The following TUNAR variants were observed in gnomAD, a reference collection of about 807,000 sequenced individuals.
The protein encoded by TUNAR is transmembrane neural differentiation associated intracellular calcium regulator, also known as protein TUNAR.
intron 2 of TUNAR, among the ~76,000 whole-genome samples, chr14:95,914,770 T>C (rs1181695696): frequency 6.6e-6 from 1 of 152,230 alleles, no homozygotes; most frequent in African/African-American, 2.4e-5. Context: ...GCTACTGTTA[T>C]CCCTACTTTA....
chr14:95,920,484 G>A (rs918112369), intron 2 of TUNAR, among the ~76,000 whole-genome samples: 1 of 152,138 alleles, frequency 6.6e-6, no homozygotes, highest in African/African-American at 2.4e-5. Context: ...TGTGGGAGTA[G>A]GAACCCACTG....
At chr14:95,913,756 C>CA (rs1479266948) in intron 2 of TUNAR, among the ~76,000 whole-genome samples, 2 of 151,668 alleles carry the variant, frequency 1.3e-5, no homozygotes, top group African/African-American at 2.4e-5. Flanking sequence ...TTTTTTGAGA[C>CA]AGAGTCTCAC....
At chr14:95,911,509 G>C (rs896118752) in intron 2 of TUNAR, among the ~76,000 whole-genome samples, 2 of 152,196 alleles carry the variant, frequency 1.3e-5, no homozygotes, top group African/African-American at 2.4e-5. Context: ...TGACCACTGA[G>C]GTCTCTTCTT....
intron 2 of TUNAR, among the ~76,000 whole-genome samples, chr14:95,900,211 C>G (rs764819774): frequency 3.6e-4 from 55 of 152,238 alleles, no homozygotes; most frequent in Admixed American, 9.8e-4. Flanking sequence ...GATGTGGCGT[C>G]TGCCCTCAAG....
chr14:95,916,608 C>G (rs1414961499), intron 2 of TUNAR, among the ~76,000 whole-genome samples: 1 of 152,198 alleles, frequency 6.6e-6, no homozygotes, highest in Non-Finnish European at 1.5e-5. Context: ...TACCCTGCTG[C>G]TCATTTGCAG....
intron 2 of TUNAR, among the ~76,000 whole-genome samples, chr14:95,919,259 C>T (rs60036556): frequency 0.023 from 3,552 of 152,310 alleles, 153 homozygotes; most frequent in African/African-American, 0.079. Flanking sequence ...TAATGTCAAA[C>T]GTATGCGTAC....
At chr14:95,888,263 T>G (rs964908005) in intron 2 of TUNAR, among the ~76,000 whole-genome samples, 12 of 152,230 alleles carry the variant, frequency 7.9e-5, no homozygotes, top group African/African-American at 2.9e-4. Flanking sequence ...CCCTGTGCAA[T>G]AAGTCCTTTC....
intron 2 of TUNAR, among the ~76,000 whole-genome samples, chr14:95,892,520 C>T (rs1889198825): frequency 6.6e-6 from 1 of 152,244 alleles, no homozygotes; most frequent in Non-Finnish European, 1.5e-5. Flanking sequence ...ATCATTTTGA[C>T]CTCAGGGTGG....
chr14:95,892,633 C>T (rs1174172403), intron 2 of TUNAR, among the ~76,000 whole-genome samples: 1 of 152,218 alleles, frequency 6.6e-6, no homozygotes, highest in African/African-American at 2.4e-5. Context: ...GCAGGGATGC[C>T]TGGCCATCTC....
At chr14:95,906,270 A>T (rs746284136) in intron 2 of TUNAR, among the ~76,000 whole-genome samples, 36 of 152,272 alleles carry the variant, frequency 2.4e-4, no homozygotes, top group South Asian at 1.0e-3. Flanking sequence ...TGGGAATGAT[A>T]TGGACAGGCA....
At chr14:95,885,223 A>G (rs1221609638) in intron 2 of TUNAR, among the ~76,000 whole-genome samples, 9 of 152,170 alleles carry the variant, frequency 5.9e-5, no homozygotes, top group Non-Finnish European at 1.5e-5. Context: ...GTAAGGAGGG[A>G]AGCATTTTCA....
At chr14:95,909,123 T>C (rs1669857076) in intron 2 of TUNAR, among the ~76,000 whole-genome samples, 1 of 152,204 alleles carries the variant, frequency 6.6e-6, no homozygotes. Context: ...CAAAGGAAAT[T>C]TTGATTAATT....
chr14:95,910,254 C>T (rs561167858), intron 2 of TUNAR, among the ~76,000 whole-genome samples: 27 of 152,190 alleles, frequency 1.8e-4, no homozygotes, highest in African/African-American at 6.3e-4. Context: ...CGGTGGCTCA[C>T]GCCTGTAATC....
chr14:95,885,505 T>C (rs957799738), intron 2 of TUNAR, among the ~76,000 whole-genome samples: 2 of 152,050 alleles, frequency 1.3e-5, no homozygotes, highest in Non-Finnish European at 2.9e-5. Context: ...GAGAAGGAAT[T>C]TCCTGAGCAG....
intron 2 of TUNAR, among the ~76,000 whole-genome samples, chr14:95,915,416 A>G (rs1283995244): frequency 1.3e-5 from 2 of 152,204 alleles, no homozygotes; most frequent in East Asian, 3.9e-4. Context: ...GTCAGTGTTT[A>G]CAGTTGACCC....
At chr14:95,916,259 C>T (rs1268440498) in intron 2 of TUNAR, among the ~76,000 whole-genome samples, 1 of 152,144 alleles carries the variant, frequency 6.6e-6, no homozygotes. Flanking sequence ...ACCACTACGT[C>T]GGCTTTGGGA....
chr14:95,888,807 T>TC (rs561408644), intron 2 of TUNAR, among the ~76,000 whole-genome samples: 1 of 150,454 alleles, frequency 6.6e-6, no homozygotes, highest in Admixed American at 6.6e-5. Flanking sequence ...TTCGAGGGGA[T>TC]GGGGGGGGCA....
intron 2 of TUNAR, among the ~76,000 whole-genome samples, chr14:95,908,335 G>A (rs1889457115): frequency 6.6e-6 from 1 of 152,242 alleles, no homozygotes. Flanking sequence ...GCTGCACCCA[G>A]TGGGGTGGGG....
At chr14:95,889,970 A>C (rs533213341) in intron 2 of TUNAR, among the ~76,000 whole-genome samples, 2 of 152,050 alleles carry the variant, frequency 1.3e-5, no homozygotes, top group Non-Finnish European at 2.9e-5. Context: ...AAAAAAAAAA[A>C]AAAAAAACTG....
Sources: allele counts gnomAD v4.1 joint callset (sites outside exome capture counted in the v4.1 genomes callset), GRCh38; gene constraint gnomAD v4.1.1; transcripts MANE v1.5; gene names NCBI Gene and HGNC (gene_info 2026-07-23, HGNC 2026-07-21).